PBX2: variants seen among roughly 807,000 people sequenced by gnomAD.
PBX2 encodes PBX homeobox 2, also known as pre-B-cell leukemia transcription factor 2.
A neutral mutation model predicts 46.5 loss-of-function variants in PBX2; 10 were observed. That is an observed-to-expected ratio of 0.21 (90% CI 0.13 to 0.36). The LOEUF (loss-of-function observed/expected upper bound fraction) is 0.36. Among genes scored for constraint, PBX2 ranks in the 10% least tolerant of loss-of-function variants. PBX2 has a pLI of 1.00. For missense variants in PBX2, 392 were observed against 580.5 expected, an observed-to-expected ratio of 0.68 and a Z score of 3.34; for synonymous variants, 160 against 222.5, an observed-to-expected ratio of 0.72 and a Z score of 2.50.
rs751704880 is a variant in PBX2 at position 32,187,691 on chromosome 6, C to T, written c.826G>A (p.Ala276Thr). The stretch of plus-strand genomic sequence containing the variant: ...CACTTCTTGGCAAGCTCCTCCTTGG[C>T]CTCCTCACTAGGATATGGGTTACTC... ...HLSNPYPSEE[A>T]KEELAKKCGI... The change falls in exon 5 of 9, where the codon GCC becomes ACC. Residue 276 changes from alanine (A) to threonine (T), a missense_variant. This residue lies in a region of PBX2 where 80 missense variants were observed against 175.7 expected (regional missense o/e 0.46). Coordinates refer to ENST00000375050, the MANE Select transcript of PBX2 (RefSeq NM_002586.5). This position sits in a 1 kb window ranked among gnomAD's most constrained non-coding sequence, Gnocchi z 7.7. The T allele has an allele frequency of 1.2e-6, 2 of 1,606,084 alleles. No homozygotes were observed. The highest frequency in any genetic ancestry group is 1.7e-5 in the Admixed American group (1 of 58,612).
Position 32,187,628 on chromosome 6 carries a change from C to A in PBX2, c.870+19G>T. 1.3e-6 allele frequency: 2 copies of A among 1,579,692 alleles called. No homozygotes were observed. Among genetic ancestry groups the A allele is most frequent in the East Asian group, 2.3e-5 (1 of 43,570 alleles). On this transcript the variant is annotated intron_variant, in intron 5 of 8. Transcript: ENST00000375050. This position sits in a 1 kb window ranked among gnomAD's most constrained non-coding sequence, Gnocchi z 7.7. ...GCGTGCACTTTGCCTGACAACTCCT[C>A]CCGCAACCTCCATAATACCTGAGAC...
chr6:32,188,797 C>T lies in PBX2; in HGVS notation c.222-1G>A. 6.2e-7 allele frequency: 1 copy of T among 1,612,686 alleles called. No homozygotes were observed. On this transcript the variant is annotated splice_acceptor_variant, in intron 1 of 8. Coordinates refer to ENST00000375050, the MANE Select transcript of PBX2 (RefSeq NM_002586.5). LOFTEE classifies it high-confidence loss of function. This position sits in a 1 kb window ranked among gnomAD's most constrained non-coding sequence, Gnocchi z 6.5. ...TCGGTGGCAGTTTAGGGCGTGTTTC[C>T]TTGGGAGGAGTGGGAGTGGGGAAAG...
In PBX2 at chr6:32,187,003, T is replaced by C. The variant is rs1787174509; in HGVS notation, c.1025-102A>G. On this transcript the variant is annotated intron_variant, in intron 6 of 8. Transcript: ENST00000375050. The surrounding 1 kb of genome is among the most constrained non-coding windows in gnomAD (Gnocchi z 7.7). ...GGGACATGCTACTATACTCCAATTATCCACAAAATAACATTCCAACACACA... is the reference window on the plus strand; with the variant it reads ...GGGACATGCTACTATACTCCAATTACCCACAAAATAACATTCCAACACACA... The C allele has an allele frequency of 1.0e-5, 12 of 1,151,346 alleles. No homozygotes were observed. Among genetic ancestry groups the C allele is most frequent in the Non-Finnish European group, 1.5e-5 (12 of 784,906 alleles). The allele number at this position is 1,151,346 out of a possible 1,614,324, so 71.3% of individuals were successfully genotyped here.
chr6:32,187,952 G>A lies in PBX2; in HGVS notation c.734+14C>T. On this transcript the variant is annotated intron_variant, in intron 4 of 8. Transcript: ENST00000375050. This position sits in a 1 kb window ranked among gnomAD's most constrained non-coding sequence, Gnocchi z 7.7. The stretch of plus-strand genomic sequence containing the variant: ...GCCCAGTGCTGGGGGCCAGCCTGGG[G>A]TCCCTGGGCCCACCTGGCATCCAGG... 3 of 1,532,538 alleles carry A rather than the reference G, an allele frequency of 2.0e-6. No individual in the cohort carries two copies. Among genetic ancestry groups the A allele is most frequent in the Non-Finnish European group, 2.6e-6 (3 of 1,135,738 alleles). 94.9% of individuals were successfully genotyped at this position (1,532,538 alleles called of 1,614,324 possible). A position where few individuals can be genotyped will look rare whatever the true frequency, so the allele number is the denominator to read the frequency against.
Position 32,189,876 on chromosome 6 carries a change from C to T in PBX2, c.40G>A (p.Gly14Ser), listed in dbSNP as rs1214343060. 2.0e-6 allele frequency: 3 copies of T among 1,474,700 alleles called. No individual in the cohort carries two copies. Among genetic ancestry groups the T allele is most frequent in the Non-Finnish European group, 1.8e-6 (2 of 1,109,664 alleles). 91.4% of individuals were successfully genotyped at this position (1,474,700 alleles called of 1,614,324 possible). The change falls in exon 1 of 9, where the codon GGC becomes AGC. Residue 14 changes from glycine to serine, a missense_variant. By Grantham distance (56) the Gly-to-Ser change is moderately conservative. Transcript: ENST00000375050. The surrounding 1 kb of genome is among the most constrained non-coding windows in gnomAD (Gnocchi z 4.7). Reference protein sequence around the residue: ...RLLGPPPPGGGRGGLGLVSGE... With the variant: ...RLLGPPPPGGSRGGLGLVSGE... ...CTCACCAATCCCAGGCCCCCCCGGC[C>T]CCCGCCTGGAGGGGGCGGCCCCAGT...
Position 32,189,620 on chromosome 6 carries a change from G to A in PBX2, c.221+75C>T. ...CTGGAGAGGGCCCTGGAGTTGGGGG[G>A]GGCTCCCAGAAGATTCAGAACATGT... On this transcript the variant is annotated intron_variant, in intron 1 of 8. Transcript: ENST00000375050. The surrounding 1 kb of genome is among the most constrained non-coding windows in gnomAD (Gnocchi z 4.7). 1 of 1,123,710 alleles carries A rather than the reference G, an allele frequency of 8.9e-7. No individual in the cohort carries two copies. The highest frequency in any genetic ancestry group is 2.5e-5 in the East Asian group (1 of 39,228). 69.6% of individuals were successfully genotyped at this position (1,123,710 alleles called of 1,614,324 possible).
Position 32,187,254 on chromosome 6 carries a change from G to C in PBX2, c.1012C>G (p.Pro338Ala), listed in dbSNP as rs1312989707. The change falls in exon 6 of 9, where the codon CCT (proline) becomes GCT (alanine). Residue 338 changes from proline to alanine, a missense_variant. This residue lies in a region of PBX2 where 116 missense variants were observed against 157.9 expected (regional missense o/e 0.73). Coordinates refer to ENST00000375050, the MANE Select transcript of PBX2 (RefSeq NM_002586.5). This position sits in a 1 kb window ranked among gnomAD's most constrained non-coding sequence, Gnocchi z 7.7. ...CAGTGGGATCCACCTGCAGAGGAAGGGGGTGTCGGGGAGCTGGTGCGGCTG... is the reference window on the plus strand; with the variant it reads ...CAGTGGGATCCACCTGCAGAGGAAGCGGGTGTCGGGGAGCTGGTGCGGCTG... ...GHSRTSSPTP[P>A]SSAGSGGSFN... 1 of 1,612,818 alleles carries C rather than the reference G, an allele frequency of 6.2e-7. No individual in the cohort carries two copies. Among genetic ancestry groups the C allele is most frequent in the Admixed American group, 1.7e-5 (1 of 60,008 alleles).
rs912280176 is a variant in PBX2, at chr6:32,186,060, G to C, written c.*322C>G. 1 of 359,360 alleles carries C rather than the reference G, an allele frequency of 2.8e-6. No individual in the cohort carries two copies. The highest frequency in any genetic ancestry group is 5.1e-6 in the Non-Finnish European group (1 of 195,272). The allele number at this position is 359,360 out of a possible 1,614,324, so 22.3% of individuals were successfully genotyped here. ...GTATGTGTGTGTGAGGTGTGGGAGA[G>C]GGAGAGAGAAAGACAGAGGAGAAAA... On this transcript the variant is annotated 3_prime_UTR_variant, in exon 9 of 9. Coordinates refer to ENST00000375050, the MANE Select transcript of PBX2 (RefSeq NM_002586.5). The surrounding 1 kb of genome is among the most constrained non-coding windows in gnomAD (Gnocchi z 4.2).
In PBX2 at chr6:32,189,662, G is replaced by A; in HGVS notation, c.221+33C>T. 6.6e-7 allele frequency: 1 copy of A among 1,526,624 alleles called. No homozygotes were observed. Among genetic ancestry groups the A allele is most frequent in the Non-Finnish European group, 9.0e-7 (1 of 1,106,760 alleles). The allele number at this position is 1,526,624 out of a possible 1,614,324, so 94.6% of individuals were successfully genotyped here. ...AGAACATGTGAACGGGGTTTGCTGGGTCTGTGTGGGGTCCCGGAGTGGGGG... is the reference window on the plus strand; with the variant it reads ...AGAACATGTGAACGGGGTTTGCTGGATCTGTGTGGGGTCCCGGAGTGGGGG... On this transcript the variant is annotated intron_variant, in intron 1 of 8. Coordinates refer to ENST00000375050, the MANE Select transcript of PBX2 (RefSeq NM_002586.5). This position sits in a 1 kb window ranked among gnomAD's most constrained non-coding sequence, Gnocchi z 4.7.
rs1017214305 is a variant in PBX2 at position 32,188,669 on chromosome 6, T to C, written c.295+54A>G. Reference sequence around the variant, plus strand: ...CCCAAGTTGTCACACTCTAGCCCTATAATGAACAGGGTTCTGTTCCCAGAG... The same window carrying C: ...CCCAAGTTGTCACACTCTAGCCCTACAATGAACAGGGTTCTGTTCCCAGAG... On this transcript the variant is annotated intron_variant, in intron 2 of 8. Transcript: ENST00000375050. This position sits in a 1 kb window ranked among gnomAD's most constrained non-coding sequence, Gnocchi z 6.5. 1.9e-6 allele frequency: 3 copies of C among 1,594,574 alleles called. No homozygotes were observed. In the Admixed American group the frequency reaches 5.0e-5, roughly 27 times the overall value.
Position 32,188,790 on chromosome 6 carries a change from G to C in PBX2, c.228C>G (p.His76Gln). The change falls in exon 2 of 9, where the codon CAC (histidine) becomes CAG (glutamine). Residue 76 changes from histidine to glutamine, a missense_variant. By Grantham distance (24) the His-to-Gln change is conservative. Coordinates refer to ENST00000375050, the MANE Select transcript of PBX2 (RefSeq NM_002586.5). The surrounding 1 kb of genome is among the most constrained non-coding windows in gnomAD (Gnocchi z 6.5). ...QSLDEAQAKKHALNCHRMKPA... is the reference protein window; with the variant it reads ...QSLDEAQAKKQALNCHRMKPA... ...GCTTCATTCGGTGGCAGTTTAGGGCGTGTTTCCTTGGGAGGAGTGGGAGTG... is the reference window on the plus strand; with the variant it reads ...GCTTCATTCGGTGGCAGTTTAGGGCCTGTTTCCTTGGGAGGAGTGGGAGTG... 6.2e-7 allele frequency: 1 copy of C among 1,612,850 alleles called. No individual in the cohort carries two copies. The highest frequency in any genetic ancestry group is 8.5e-7 in the Non-Finnish European group (1 of 1,179,922).
In PBX2 at chr6:32,189,189, C is replaced by A; in HGVS notation, c.222-393G>T. 2.8e-6 allele frequency: 1 copy of A among 352,318 alleles called. No homozygotes were observed. The highest frequency in any genetic ancestry group is 3.5e-5 in the South Asian group (1 of 28,572). The allele number at this position is 352,318 out of a possible 1,614,324, so 21.8% of individuals were successfully genotyped here. A position where few individuals can be genotyped will look rare whatever the true frequency, so the allele number is the denominator to read the frequency against. On this transcript the variant is annotated intron_variant, in intron 1 of 8. Coordinates refer to ENST00000375050, the MANE Select transcript of PBX2 (RefSeq NM_002586.5). The surrounding 1 kb of genome is among the most constrained non-coding windows in gnomAD (Gnocchi z 4.7). ...GCAGAGTGGGGCTGGGGGTGCCGAG[C>A]TAACTGGGGAGATCAGTGTAGGGTG...
Position 32,189,604 on chromosome 6 carries a change from GC to G in PBX2, c.221+90del, listed in dbSNP as rs1357229404. The G allele has an allele frequency of 8.8e-6, 8 of 911,462 alleles. No individual in the cohort carries two copies. The highest frequency in any genetic ancestry group is 3.4e-5 in the African/African-American group (2 of 59,232). 56.5% of individuals were successfully genotyped at this position (911,462 alleles called of 1,614,324 possible). The stretch of plus-strand genomic sequence containing the variant: ...AGAGAGCTGTTGGATCCTGGAGAGG[GC>G]CCTGGAGTTGGGGGGGGCTCCCAGA... On this transcript the variant is annotated intron_variant, in intron 1 of 8. Transcript: ENST00000375050. This position sits in a 1 kb window ranked among gnomAD's most constrained non-coding sequence, Gnocchi z 4.7.
chr6:32,187,643 A>G lies in PBX2; in HGVS notation c.870+4T>C. On this transcript the variant is annotated splice_donor_region_variant and intron_variant, in intron 5 of 8. Coordinates refer to ENST00000375050, the MANE Select transcript of PBX2 (RefSeq NM_002586.5). This position sits in a 1 kb window ranked among gnomAD's most constrained non-coding sequence, Gnocchi z 7.7. ...GACAACTCCTCCCGCAACCTCCATA[A>G]TACCTGAGACACGGTGATGCCACAC... The G allele has an allele frequency of 6.3e-7, 1 of 1,589,434 alleles. No homozygotes were observed. The highest frequency in any genetic ancestry group is 8.6e-7 in the Non-Finnish European group (1 of 1,167,776).
Position 32,187,616 on chromosome 6 carries a change from C to T in PBX2, c.870+31G>A. 6.4e-7 allele frequency: 1 copy of T among 1,573,558 alleles called. No individual in the cohort carries two copies. The highest frequency in any genetic ancestry group is 8.6e-7 in the Non-Finnish European group (1 of 1,159,206). On this transcript the variant is annotated intron_variant, in intron 5 of 8. Coordinates refer to ENST00000375050, the MANE Select transcript of PBX2 (RefSeq NM_002586.5). This position sits in a 1 kb window ranked among gnomAD's most constrained non-coding sequence, Gnocchi z 7.7. Reference sequence around the variant, plus strand: ...CCTAGCTGAGATGCGTGCACTTTGCCTGACAACTCCTCCCGCAACCTCCAT... The same window carrying T: ...CCTAGCTGAGATGCGTGCACTTTGCTTGACAACTCCTCCCGCAACCTCCAT...
At position 32,186,055 on chromosome 6, in the gene PBX2, G is replaced by A. The variant is rs1787104148; in HGVS notation, c.*327C>T. On this transcript the variant is annotated 3_prime_UTR_variant, in exon 9 of 9. Transcript: ENST00000375050. The surrounding 1 kb of genome is among the most constrained non-coding windows in gnomAD (Gnocchi z 4.2). ...TGGGAGTATGTGTGTGTGAGGTGTG[G>A]GAGAGGGAGAGAGAAAGACAGAGGA... 3 of 347,984 alleles carry A rather than the reference G, an allele frequency of 8.6e-6. No homozygotes were observed. Among genetic ancestry groups the A allele is most frequent in the Non-Finnish European group, 1.6e-5 (3 of 188,364 alleles). The allele number at this position is 347,984 out of a possible 1,614,324, so 21.6% of individuals were successfully genotyped here. A position where few individuals can be genotyped will look rare whatever the true frequency, so the allele number is the denominator to read the frequency against.
Position 32,188,518 on chromosome 6 carries a change from G to A in PBX2, c.296-14C>T, listed in dbSNP as rs762317430. The A allele has an allele frequency of 9.9e-6, 16 of 1,611,828 alleles. No homozygotes were observed. The highest frequency in any genetic ancestry group is 2.7e-5 in the African/African-American group (2 of 74,826). ...GAATGCTGAGGCCTAGCATGCAGGCGAGTGGACTTAGGGACCCAGAGACCC... is the reference window on the plus strand; with the variant it reads ...GAATGCTGAGGCCTAGCATGCAGGCAAGTGGACTTAGGGACCCAGAGACCC... On this transcript the variant is annotated splice_polypyrimidine_tract_variant and intron_variant, in intron 2 of 8. Coordinates refer to ENST00000375050, the MANE Select transcript of PBX2 (RefSeq NM_002586.5). The surrounding 1 kb of genome is among the most constrained non-coding windows in gnomAD (Gnocchi z 6.5).
At position 32,189,146 on chromosome 6, in the gene PBX2, G is replaced by C. The variant is rs1327671333; in HGVS notation, c.222-350C>G. 2.4e-6 allele frequency: 1 copy of C among 412,768 alleles called. No individual in the cohort carries two copies. The highest frequency in any genetic ancestry group is 4.5e-6 in the Non-Finnish European group (1 of 223,932). The allele number at this position is 412,768 out of a possible 1,614,324, so 25.6% of individuals were successfully genotyped here. On this transcript the variant is annotated intron_variant, in intron 1 of 8. Coordinates refer to ENST00000375050, the MANE Select transcript of PBX2 (RefSeq NM_002586.5). The surrounding 1 kb of genome is among the most constrained non-coding windows in gnomAD (Gnocchi z 4.7). ...GAGAGACAGAGGCTGGGGTTGAGAA[G>C]AGTCAGAGTTTGAGGTGGCAGAGTG...
chr6:32,186,857 G>T lies in PBX2; in HGVS notation c.1069C>A (p.Leu357Met), dbSNP rs373170561. ...FNLSGSGDMF[L>M]GMPGLNGDSY... ...TCTCCGTTGAGCCCAGGCATCCCCA[G>T]AAACATGTCTCCAGATCCTGAGAGA... The change falls in exon 7 of 9, where the codon CTG becomes ATG. Residue 357 changes from leucine to methionine, a missense_variant. Physicochemically the swap from Leu to Met is conservative, Grantham distance 15. This residue lies in a region of PBX2 where 116 missense variants were observed against 157.9 expected (regional missense o/e 0.73). Transcript: ENST00000375050. The surrounding 1 kb of genome is among the most constrained non-coding windows in gnomAD (Gnocchi z 4.2). 1.1e-5 allele frequency: 18 copies of T among 1,614,018 alleles called. No individual in the cohort carries two copies. The highest frequency in any genetic ancestry group is 1.5e-5 in the Non-Finnish European group (18 of 1,180,044).
Sources: gnomAD v4.1 joint callset for allele counts on GRCh38, gnomAD v4.1.1 for gene constraint, gnomAD v4.1.1 regional missense constraint, Gnocchi (gnomAD v3.1) non-coding constraint, MANE v1.5 for transcripts, NCBI Gene and HGNC (gene_info 2026-07-23, HGNC 2026-07-21) for gene names.